The following RASSF3 variants were observed in gnomAD, a reference collection of about 807,000 sequenced individuals.
RASSF3 encodes the protein Ras association domain family member 3, also known as ras association domain-containing protein 3.
In RASSF3, 19 loss-of-function variants were observed where a neutral mutation model predicts 19.9. That is an observed-to-expected ratio of 0.96 (90% confidence interval 0.67 to 1.40). The LOEUF is 1.40. Ranked by LOEUF, RASSF3 falls within the 40% of genes most tolerant of loss-of-function variation. The pLI is 0.00. For synonymous variants in RASSF3, 110 were observed against 104.2 expected (o/e 1.06, Z -0.34); for missense variants, 306 against 289.8 (o/e 1.06, Z -0.41).
chr12:64,688,993 AT>A (rs1365657869), intron 3 of RASSF3, among the ~76,000 whole-genome samples: 1 of 152,140 alleles, frequency 6.6e-6, no homozygotes, highest in Non-Finnish European at 1.5e-5. Flanking sequence ...ACGCCGGGAC[AT>A]TTTGGTACTC....
chr12:64,543,462 CCCCA>C (rs1868987470), downstream of RASSF3, among the ~76,000 whole-genome samples: 20 of 91,046 alleles, frequency 2.2e-4, no homozygotes, highest in East Asian at 1.8e-3. Context: ...GCCCCCCGCT[CCCCA>C]CCCGCCTGCC....
intron 1 of RASSF3, among the ~76,000 whole-genome samples, chr12:64,614,133 C>CT (rs578071131): frequency 0.086 from 11,177 of 130,016 alleles, 565 homozygotes; most frequent in Non-Finnish European, 0.1. Flanking sequence ...TTTACCATTT[C>CT]TTTTTTTTTT....
At chr12:64,651,667 G>A (rs1035990183) in intron 1 of RASSF3, among the ~76,000 whole-genome samples, 1 of 151,870 alleles carries the variant, frequency 6.6e-6, no homozygotes, top group Non-Finnish European at 1.5e-5. Context: ...GCTGGTTGTT[G>A]TTGTTTTTGT....
At chr12:64,637,376 C>A (rs570080915) in intron 1 of RASSF3, among the ~76,000 whole-genome samples, 1 of 149,810 alleles carries the variant, frequency 6.7e-6, no homozygotes, top group East Asian at 2.0e-4. Flanking sequence ...TTATAGACTT[C>A]TAGGGATTGT....
At chr12:64,510,885 A>G (rs1486212163) in intron 1 of RASSF3, among the ~76,000 whole-genome samples, 1 of 152,202 alleles carries the variant, frequency 6.6e-6, no homozygotes. Flanking sequence ...GGGACTTCAG[A>G]GTCAAACCTG....
intron 2 of RASSF3, among the ~76,000 whole-genome samples, chr12:64,578,916 G>A (rs35254916): frequency 0.044 from 6,663 of 152,224 alleles, 202 homozygotes; most frequent in East Asian, 0.066. Context: ...AAGCCGAGGT[G>A]GGTGGATCAC....
chr12:64,516,288 A>T (rs2136100411), intron 1 of RASSF3, among the ~76,000 whole-genome samples: 1 of 152,268 alleles, frequency 6.6e-6, no homozygotes, highest in East Asian at 1.9e-4. Context: ...AGATGCAAAA[A>T]CCCAGTGGGA....
intron 2 of RASSF3, among the ~76,000 whole-genome samples, chr12:64,685,602 G>A (rs1301409544): frequency 6.6e-6 from 1 of 152,078 alleles, no homozygotes; most frequent in African/African-American, 2.4e-5. Context: ...CCCATGGATT[G>A]GAATATAGAG....
chr12:64,675,294 C>T (rs1872855648), intron 1 of RASSF3, among the ~76,000 whole-genome samples: 2 of 151,962 alleles, frequency 1.3e-5, no homozygotes, highest in African/African-American at 4.8e-5. Flanking sequence ...TTGCTATGTC[C>T]TTTAACTGGT....
chr12:64,665,176 T>C (rs945799830), intron 1 of RASSF3, among the ~76,000 whole-genome samples: 1 of 152,206 alleles, frequency 6.6e-6, no homozygotes, highest in African/African-American at 2.4e-5. Flanking sequence ...GGTTAGAATC[T>C]CAGTGCCTCT....
downstream of RASSF3, among the ~76,000 whole-genome samples, chr12:64,545,771 T>A (rs11175441): frequency 1.3e-5 from 2 of 151,858 alleles, no homozygotes; most frequent in Non-Finnish European, 2.9e-5. Flanking sequence ...TACAAAAAAA[T>A]TTAAAATGAG....
intron 2 of RASSF3, among the ~76,000 whole-genome samples, chr12:64,584,258 C>T (rs1014910199): frequency 2.6e-5 from 4 of 152,212 alleles, no homozygotes; most frequent in Non-Finnish European, 5.9e-5. Flanking sequence ...GCTCCTTCCT[C>T]AGCTGAAATG....
chr12:64,645,376 C>T (rs1871693827), intron 1 of RASSF3, among the ~76,000 whole-genome samples: 1 of 152,018 alleles, frequency 6.6e-6, no homozygotes, highest in South Asian at 2.1e-4. Flanking sequence ...GAAATATTTT[C>T]ACTTTGGTGA....
chr12:64,682,748 C>T (rs1873185481), intron 1 of RASSF3, among the ~76,000 whole-genome samples: 1 of 152,084 alleles, frequency 6.6e-6, no homozygotes, highest in Non-Finnish European at 1.5e-5. Context: ...TTCCAGTGGG[C>T]AGATGGAAAC....
chr12:64,657,308 CAG>C (rs1872195094), intron 1 of RASSF3, among the ~76,000 whole-genome samples: 1 of 152,028 alleles, frequency 6.6e-6, no homozygotes, highest in African/African-American at 2.4e-5. Context: ...CTGGGCGATA[CAG>C]AGTTTCAGCT....
In RASSF3 at chr12:64,516,611, T is replaced by C. The variant is rs564438330; in HGVS notation, c.169+9282T>C. On this transcript the variant is annotated intron_variant, in intron 1 of 5. Transcript: ENST00000637125. ...TCCAGCCTGGGCGACAGAGCGAGAC[T>C]CCGTCTCAAAAAAAAAAAAAAAGAT... is the stretch of plus-strand genomic sequence containing the variant. 3.3e-5 allele frequency among the ~76,000 whole-genome samples: 4 copies of C among 120,942 alleles called. No homozygotes were observed. In the South Asian group the frequency reaches 8.7e-4, roughly 26 times the overall value. 79.3% of individuals were successfully genotyped at this position (120,942 alleles called of 152,430 possible). A position where few individuals can be genotyped will look rare whatever the true frequency, so the allele number is the denominator to read the frequency against.
intron 1 of RASSF3, among the ~76,000 whole-genome samples, chr12:64,663,826 C>T (rs1872454468): frequency 7.2e-6 from 1 of 139,076 alleles, no homozygotes; most frequent in African/African-American, 2.9e-5. Context: ...TTCTTTACCA[C>T]GTTTTAGCCT....
In RASSF3 at chr12:64,663,897, A is replaced by G. The variant is rs983979115; in HGVS notation, c.112-20890A>G. 2.0e-5 allele frequency among the ~76,000 whole-genome samples: 3 copies of G among 146,892 alleles called. No individual in the cohort carries two copies. In the Admixed American group the frequency reaches 2.1e-4, roughly 10 times the overall value. ...GAGAATTCTTTATTATGTCCAAAAG[A>G]GCACAACAAAAACATCCCAACAATA... is the stretch of plus-strand genomic sequence containing the variant. On this transcript the variant is annotated intron_variant, in intron 1 of 4. Coordinates refer to ENST00000542104, the MANE Select transcript of RASSF3 (RefSeq NM_178169.4).
intron 1 of RASSF3, among the ~76,000 whole-genome samples, chr12:64,630,861 G>A (rs1871147639): frequency 6.6e-6 from 1 of 152,170 alleles, no homozygotes; most frequent in African/African-American, 2.4e-5. Context: ...CAAGTAAGAA[G>A]AAAGATCAGG....
Sources: allele counts gnomAD v4.1 joint callset (sites outside exome capture counted in the v4.1 genomes callset), GRCh38; gene constraint gnomAD v4.1.1; transcripts MANE v1.5; gene names NCBI Gene and HGNC (gene_info 2026-07-23, HGNC 2026-07-21).